ATRX: variants seen among roughly 807,000 people sequenced by gnomAD.
ATRX encodes the protein ATRX chromatin remodeler, also known as chromatin remodeler ATRX.
In ATRX, 12 loss-of-function variants were observed where a neutral mutation model predicts 172.6. The observed-to-expected ratio is 0.07, with a 90% CI of 0.04 to 0.11. The LOEUF (loss-of-function observed/expected upper bound fraction) is 0.11. ATRX is among the 10% of genes least tolerant of loss of function. ATRX has a pLI of 1.00. For synonymous variants in ATRX, 674 were observed against 594.7 expected (o/e 1.13, Z -1.94); for missense variants, 1,368 against 1,767.4 (o/e 0.77, Z 4.05).
At chrX:77,527,172 A>G (rs1320623504) in intron 30 of ATRX, among the ~76,000 whole-genome samples, 1 of 112,231 alleles carries the variant, frequency 8.9e-6, no homozygotes, top group Non-Finnish European at 1.9e-5. Context: ...ACATTGACAC[A>G]CACACACCTT....
intron 12 of ATRX, among the ~76,000 whole-genome samples, chrX:77,656,995 C>T (rs2069587812): frequency 9.0e-6 from 1 of 111,520 alleles, no homozygotes; most frequent in Admixed American, 9.5e-5. Context: ...CTATTCAAAA[C>T]AAGCAAGGTA....
In ATRX at chrX:77,507,702, A is replaced by C. The variant is rs1557034165; in HGVS notation, c.*649T>G. 6.3e-5 allele frequency: 11 copies of C among 174,381 alleles called. No individual in the cohort carries two copies. The highest frequency in any genetic ancestry group is 8.8e-5 in the Non-Finnish European group (8 of 91,323). 14.4% of individuals were successfully genotyped at this position (174,381 alleles called of 1,213,427 possible). On this transcript the variant is annotated 3_prime_UTR_variant, in exon 35 of 35. Transcript: ENST00000373344. ...TCTTAGGCTATACTTAAGGCTGTTT[A>C]TACAATGCTAAGATAACTGCAAGAC...
intron 1 of ATRX, among the ~76,000 whole-genome samples, chrX:77,736,005 CAA>C (rs1264213602): frequency 1.0e-4 from 8 of 78,357 alleles, no homozygotes; most frequent in Admixed American, 4.4e-4. Flanking sequence ...AACTCCACCT[CAA>C]AAAAAAAAAA....
At chrX:77,756,943 G>A (rs920269213) in intron 1 of ATRX, among the ~76,000 whole-genome samples, 3 of 109,870 alleles carry the variant, frequency 2.7e-5, no homozygotes, top group Non-Finnish European at 5.7e-5. Context: ...ACACCACCAC[G>A]CCTGGCTAAT....
At chrX:77,735,372 G>A (rs970910151) in intron 1 of ATRX, among the ~76,000 whole-genome samples, 4 of 111,462 alleles carry the variant, frequency 3.6e-5, no homozygotes, top group Admixed American at 9.6e-5. Context: ...CAAGGCAGGC[G>A]GATCACGAGG....
At chrX:77,666,656 A>ACTAGT (rs2070253624) in intron 10 of ATRX, among the ~76,000 whole-genome samples, 1 of 112,204 alleles carries the variant, frequency 8.9e-6, no homozygotes, top group African/African-American at 3.2e-5. Context: ...GGTCAGGTGT[A>ACTAGT]CGAGACTAGC....
At chrX:77,721,964 T>G (rs2073794073) in intron 1 of ATRX, among the ~76,000 whole-genome samples, 1 of 111,641 alleles carries the variant, frequency 9.0e-6, no homozygotes, top group African/African-American at 3.3e-5. Flanking sequence ...ATGGTACTGG[T>G]ACCAAAACAG....
Position 77,682,413 on chromosome X carries a change from T to C in ATRX, c.2843A>G (p.His948Arg). 1 of 1,211,774 alleles carries C rather than the reference T, an allele frequency of 8.3e-7. No homozygotes were observed. Among genetic ancestry groups the C allele is most frequent in the South Asian group, 1.8e-5 (1 of 57,011 alleles). ...KVAETKEKSK[H>R]LKTKTCKKVQ... is the part of the protein sequence containing the mutation. ...TTTTTTACATGTTTTGGTTTTGAGA[T>C]GCTTGCTCTTTTCTTTAGTTTCAGC... Residue 948 changes from histidine (H) to arginine (R), a missense_variant, in exon 9 of 35, where the codon CAT becomes CGT. His to Arg is a conservative substitution (Grantham distance 29, BLOSUM62 0). Around this residue, in one of 17 missense-constraint regions of ATRX, gnomAD observed 843 missense variants for 643.1 expected, o/e 1.31. Transcript: ENST00000373344.
At chrX:77,696,824 T>A in intron 4 of ATRX, 120 bp from the exon 5 acceptor site, 1 of 714,237 alleles carries the variant, frequency 1.4e-6, no homozygotes, top group Non-Finnish European at 2.1e-6. Flanking sequence ...CACATCAGAA[T>A]CACCTAGGGA....
chrX:77,681,911 A>G lies in ATRX; in HGVS notation c.3345T>C (p.Tyr1115=). ...AGTTACAACCATCTTCTTTCATGGA[A>G]TATTTCTCAGTATCAGATGATGAAC... ...QDCSSSDTEK[Y]SMKEDGCNSS... Residue 1115 remains tyrosine, a synonymous_variant, in exon 9 of 35, where the codon TAT becomes TAC. Transcript: ENST00000373344. 2.5e-6 allele frequency: 3 copies of G among 1,210,228 alleles called. No individual in the cohort carries two copies. Among genetic ancestry groups the G allele is most frequent in the Non-Finnish European group, 3.4e-6 (3 of 894,879 alleles).
At chrX:77,766,825 C>T (rs1268210843) in intron 1 of ATRX, among the ~76,000 whole-genome samples, 2 of 111,186 alleles carry the variant, frequency 1.8e-5, no homozygotes, top group Admixed American at 9.5e-5. Flanking sequence ...GGGTGGCGGC[C>T]GGGCAGAGGC....
intron 25 of ATRX, chrX:77,594,545 G>A (rs2148119978): frequency 8.9e-6 from 1 of 112,066 alleles, no homozygotes; most frequent in South Asian, 3.7e-4. Flanking sequence ...GCTTTTTAAT[G>A]CAAAGTATTT....
chrX:77,755,156 A>C (rs2075443030), intron 1 of ATRX, among the ~76,000 whole-genome samples: 1 of 112,493 alleles, frequency 8.9e-6, no homozygotes, highest in Non-Finnish European at 1.9e-5. Context: ...TGCTTCACGA[A>C]GTTCTTGTGC....
rs2148632087 is a variant in ATRX at position 77,684,227 on chromosome X, A to G, written c.1029T>C (p.Tyr343=). 2 of 1,211,557 alleles carry G rather than the reference A, an allele frequency of 1.7e-6. No homozygotes were observed. The highest frequency in any genetic ancestry group is 2.3e-4 in the Middle Eastern group (1 of 4,353). The change falls in exon 9 of 35, where the codon TAT becomes TAC. Residue 343 remains tyrosine (Y), a synonymous_variant. Transcript: ENST00000373344. ...DSCSGSVTYS[Y]SALIVPKEMI... is the part of the protein sequence containing the mutation. Reference sequence around the variant, plus strand: ...TCTCTTTGGGCACAATTAGTGCGGAATAAGAGTAGGTTACAGAGCCAGAAC... The same window carrying G: ...TCTCTTTGGGCACAATTAGTGCGGAGTAAGAGTAGGTTACAGAGCCAGAAC...
chrX:77,652,476 T>A, intron 14 of ATRX, 123 bp from the exon 15 acceptor site: 1 of 787,307 alleles, frequency 1.3e-6, no homozygotes, highest in Non-Finnish European at 1.8e-6. Flanking sequence ...TTTAGAATTA[T>A]ATTCAGCAAT....
chrX:77,673,640 T>C (rs1362742168), intron 10 of ATRX, among the ~76,000 whole-genome samples: 1 of 111,015 alleles, frequency 9.0e-6, no homozygotes, highest in African/African-American at 3.3e-5. Flanking sequence ...CGCTACATAA[T>C]AGCATGCTAA....
chrX:77,603,805 T>C (rs1348729419), intron 22 of ATRX, among the ~76,000 whole-genome samples: 3 of 111,527 alleles, frequency 2.7e-5, no homozygotes, highest in African/African-American at 9.8e-5. Context: ...TGGAACAGAA[T>C]ACAGAACACA....
intron 33 of ATRX, 135 bp from the exon 34 acceptor site, chrX:77,521,051 G>T: frequency 1.5e-6 from 1 of 657,027 alleles, no homozygotes; most frequent in Non-Finnish European, 2.3e-6. Context: ...AGAAAAACAT[G>T]ATGCAAAACA....
At chrX:77,620,298 T>C (rs2067525610) in intron 20 of ATRX, 97 bp downstream of exon 20, 1 of 960,549 alleles carries the variant, frequency 1.0e-6, no homozygotes, top group Admixed American at 2.3e-5. Context: ...TCTAGGACTA[T>C]ACTAGAATAA....
Sources: gnomAD v4.1 joint callset for allele counts (sites outside exome capture counted in the v4.1 genomes callset) on GRCh38, gnomAD v4.1.1 for gene constraint, gnomAD v4.1.1 regional missense constraint, MANE v1.5 for transcripts, NCBI Gene and HGNC (gene_info 2026-07-23, HGNC 2026-07-21) for gene names.